GLB1: variants seen among roughly 807,000 people sequenced by gnomAD.
The protein encoded by GLB1 is beta-galactosidase.
GLB1 carries 56 observed loss-of-function variants against 74.0 expected under a neutral mutation model. The observed-to-expected ratio is 0.76, with a 90% CI of 0.61 to 0.94. The LOEUF is 0.94. GLB1 is among the 40% of genes least tolerant of loss of function. GLB1 has a pLI of 0.00. For missense variants in GLB1, 787 were observed against 845.5 expected (o/e 0.93, Z 0.86); for synonymous variants, 323 against 323.6 (o/e 1.00, Z 0.02).
chr3:32,997,990 C>CTATA (rs1329223864), intron 15 of GLB1, among the ~76,000 whole-genome samples: 1 of 152,132 alleles, frequency 6.6e-6, no homozygotes, highest in Non-Finnish European at 1.5e-5. Context: ...AGTTGGGTGT[C>CTATA]TATATTACTG....
At chr3:33,054,039 T>A (rs56078375) in intron 6 of GLB1, among the ~76,000 whole-genome samples, 8,865 of 145,548 alleles carry the variant, frequency 0.061, 815 homozygotes, top group African/African-American at 0.21. Context: ...TTAAAAAAAA[T>A]AATAATAATA....
intron 9 of GLB1, 135 bp from the exon 10 acceptor site, chr3:33,046,367 A>G: frequency 9.9e-7 from 1 of 1,009,638 alleles, no homozygotes; most frequent in East Asian, 2.7e-5. Context: ...GGAGACACAG[A>G]CGTGACCCTC....
intron 1 of GLB1, 198 bp downstream of exon 1, chr3:33,096,813 C>G (rs1701051771): frequency 7.3e-7 from 1 of 1,362,522 alleles, no homozygotes; most frequent in Non-Finnish European, 9.4e-7. Flanking sequence ...CCTGGAAGGA[C>G]GCGCGCCCCG....
intron 6 of GLB1, among the ~76,000 whole-genome samples, chr3:33,054,764 G>C (rs62250476): frequency 6.6e-6 from 1 of 152,060 alleles, no homozygotes; most frequent in Non-Finnish European, 1.5e-5. Flanking sequence ...CTTGCCTCTC[G>C]TGTCTTCTAT....
Position 33,065,476 on chromosome 3 carries a change from A to T in GLB1, c.539T>A (p.Val180Asp). Reference protein sequence around the residue: ...KPLLYQNGGPVITVQVENEYG... With the variant: ...KPLLYQNGGPDITVQVENEYG... The stretch of plus-strand genomic sequence containing the variant: ...CTCCAGGGTTACCTGCACTGTTATA[A>T]CTGGCCCTCCATTCTGATAGAGGAG... Residue 180 changes from valine (V) to aspartate (D), a missense_variant, in exon 5 of 16, where the codon GTT (valine) becomes GAT (aspartate). Val to Asp is a radical substitution (Grantham distance 152, BLOSUM62 -3). Coordinates refer to ENST00000307363, the MANE Select transcript of GLB1 (RefSeq NM_000404.4). 1 of 1,582,408 alleles carries T rather than the reference A, an allele frequency of 6.3e-7. No individual in the cohort carries two copies. The highest frequency in any genetic ancestry group is 8.6e-7 in the Non-Finnish European group (1 of 1,160,880).
chr3:32,970,595 G>A, the GLB1 span, among the ~76,000 whole-genome samples: 1 of 152,070 alleles, frequency 6.6e-6, no homozygotes, highest in Non-Finnish European at 1.5e-5. Flanking sequence ...GACCCATATA[G>A]GATAGGCCCC....
chr3:32,975,069 C>G, the GLB1 span, among the ~76,000 whole-genome samples: 2 of 152,084 alleles, frequency 1.3e-5, no homozygotes, highest in Admixed American at 6.5e-5. Flanking sequence ...CACTTTGAGG[C>G]AAAGGGTGTC....
chr3:32,986,187 G>A, the GLB1 span, among the ~76,000 whole-genome samples: 11 of 152,204 alleles, frequency 7.2e-5, no homozygotes, highest in Non-Finnish European at 2.9e-5. Context: ...CCTGCTCATC[G>A]TTCAGGTCTC....
intron 1 of GLB1, among the ~76,000 whole-genome samples, chr3:33,074,389 G>GAAAGAAAGAAAGAAAGA (rs1559412979): frequency 0.017 from 654 of 38,912 alleles, 147 homozygotes; most frequent in East Asian, 0.1. Flanking sequence ...AGGAAGGAAG[G>GAAAGAAAGAAAGAAAGA]AAGAAAGAAA....
At position 33,063,432 on chromosome 3, in the gene GLB1, A is replaced by T. The variant is rs544292576; in HGVS notation, c.552+2031T>A. On this transcript the variant is annotated intron_variant, in intron 5 of 15. Coordinates refer to ENST00000307363, the MANE Select transcript of GLB1 (RefSeq NM_000404.4). The stretch of plus-strand genomic sequence containing the variant: ...AAGCATGTGGAGATGGGAAGGGGAG[A>T]GGAGGAGGAGGAGGGGGACAGAGTC... Among the ~76,000 whole-genome samples, 313 of 124,974 alleles carry T rather than the reference A, an allele frequency of 2.5e-3. 2 individuals carry two copies. The highest frequency in any genetic ancestry group is 0.013 in the South Asian group (55 of 4,348). 82.0% of individuals were successfully genotyped at this position (124,974 alleles called of 152,430 possible). A position where few individuals can be genotyped will look rare whatever the true frequency, so the allele number is the denominator to read the frequency against.
the GLB1 span, among the ~76,000 whole-genome samples, chr3:32,982,739 C>T: frequency 6.6e-6 from 1 of 152,076 alleles, no homozygotes; most frequent in Non-Finnish European, 1.5e-5. Context: ...TTTTTTATAT[C>T]CTAGAACTTT....
At chr3:32,973,105 G>T in the GLB1 span, among the ~76,000 whole-genome samples, 1 of 152,178 alleles carries the variant, frequency 6.6e-6, no homozygotes, top group South Asian at 2.1e-4. Flanking sequence ...TGCTTAAAAG[G>T]TAACTTAACT....
chr3:33,045,855 T>G, intron 10 of GLB1: 7 of 877,370 alleles, frequency 8.0e-6, no homozygotes, highest in Non-Finnish European at 9.2e-6. Context: ...AAGAAGTGAA[T>G]CTGTAAGTAG....
In GLB1 at chr3:33,051,603, CA is replaced by C. The variant is rs59740209; in HGVS notation, c.955+154del. Among the ~76,000 whole-genome samples, 8,158 of 75,284 alleles carry C rather than the reference CA, an allele frequency of 0.11. 528 individuals carry two copies. Among genetic ancestry groups the C allele is most frequent in the African/African-American group, 0.32 (7,413 of 23,188 alleles). The allele number at this position is 75,284 out of a possible 152,430, so 49.4% of individuals were successfully genotyped here. A position where few individuals can be genotyped will look rare whatever the true frequency, so the allele number is the denominator to read the frequency against. On this transcript the variant is annotated intron_variant, in intron 9 of 15. Coordinates refer to ENST00000307363, the MANE Select transcript of GLB1 (RefSeq NM_000404.4). ...CTGGGTGACAGAGTGAGACTGTCTA[CA>C]AAAAAAAAAAAAAAAGAAAAAGAAA...
chr3:33,053,669 C>T, intron 6 of GLB1, 120 bp from the exon 7 acceptor site: 1 of 1,345,946 alleles, frequency 7.4e-7, no homozygotes, highest in Non-Finnish European at 1.0e-6. Context: ...TTAGTATCCC[C>T]CCAAAATTCT....
intron 5 of GLB1, among the ~76,000 whole-genome samples, chr3:33,064,584 C>T (rs1229319129): frequency 6.6e-6 from 1 of 151,718 alleles, no homozygotes; most frequent in Non-Finnish European, 1.5e-5. Flanking sequence ...TGAGACCAGC[C>T]TGGCCAACAT....
intron 6 of GLB1, among the ~76,000 whole-genome samples, chr3:33,055,040 G>GA (rs1190072786): frequency 1.3e-5 from 2 of 152,248 alleles, no homozygotes; most frequent in African/African-American, 4.8e-5. Context: ...TGCTGATTGA[G>GA]AAAGAGCAGA....
chr3:33,017,292 T>C (rs545809861), intron 13 of GLB1, among the ~76,000 whole-genome samples: 1 of 152,166 alleles, frequency 6.6e-6, no homozygotes, highest in Non-Finnish European at 1.5e-5. Context: ...TCAAAATACT[T>C]GACATGATGC....
At chr3:32,977,682 A>G in the GLB1 span, among the ~76,000 whole-genome samples, 1 of 152,192 alleles carries the variant, frequency 6.6e-6, no homozygotes, top group Non-Finnish European at 1.5e-5. Flanking sequence ...TATGAGAATT[A>G]AAATCCTATG....
Sources: gnomAD v4.1 joint callset for allele counts (sites outside exome capture counted in the v4.1 genomes callset) on GRCh38, gnomAD v4.1.1 for gene constraint, MANE v1.5 for transcripts, NCBI Gene and HGNC (gene_info 2026-07-23, HGNC 2026-07-21) for gene names.